The following CYP2C19 variants were observed in gnomAD, a reference collection of about 807,000 sequenced individuals.
CYP2C19 encodes cytochrome P450 family 2 subfamily C member 19, also known as cytochrome P450 2C19.
CYP2C19 carries 59 observed loss-of-function variants against 40.9 expected under a neutral mutation model. That is an observed-to-expected ratio of 1.44 (90% CI 1.17 to 1.79). The LOEUF is 1.79. Ranked by LOEUF, CYP2C19 falls within the 40% of genes most tolerant of loss-of-function variation. The pLI is 0.00. For missense variants in CYP2C19, 754 were observed against 596.9 expected (o/e 1.26, Z -2.74); for synonymous variants, 253 against 208.7 (o/e 1.21, Z -1.83).
intron 7 of CYP2C19, among the ~76,000 whole-genome samples, chr10:94,845,015 C>T (rs187137103): frequency 6.6e-5 from 10 of 152,258 alleles, no homozygotes; most frequent in African/African-American, 1.7e-4. Flanking sequence ...GAACCCAGAG[C>T]GCAAGGAAAT....
intron 5 of CYP2C19, among the ~76,000 whole-genome samples, chr10:94,796,994 A>G (rs1459639623): frequency 2.0e-5 from 3 of 151,984 alleles, no homozygotes; most frequent in Non-Finnish European, 4.4e-5. Context: ...TCTTTCTCCT[A>G]CCTGATTGCC....
intron 3 of CYP2C19, chr10:94,776,476 C>T (rs1366844249): frequency 6.6e-6 from 1 of 152,060 alleles, no homozygotes; most frequent in Non-Finnish European, 1.5e-5. Context: ...ATTCTGTTTT[C>T]CAAATGAAGT....
chr10:94,790,603 C>T (rs185732956), intron 5 of CYP2C19, among the ~76,000 whole-genome samples: 86 of 152,184 alleles, frequency 5.7e-4, no homozygotes, highest in Non-Finnish European at 1.1e-3. Flanking sequence ...TTGAGATAAT[C>T]ATGTGGTTTT....
intron 6 of CYP2C19, among the ~76,000 whole-genome samples, chr10:94,824,694 T>G (rs1849185561): frequency 6.6e-6 from 1 of 152,136 alleles, no homozygotes; most frequent in African/African-American, 2.4e-5. Flanking sequence ...TTAGGGTACA[T>G]GTGCACATTG....
At chr10:94,777,134 G>C (rs1848418617) in intron 3 of CYP2C19, among the ~76,000 whole-genome samples, 1 of 152,110 alleles carries the variant, frequency 6.6e-6, no homozygotes, top group Non-Finnish European at 1.5e-5. Flanking sequence ...ACAAACCACT[G>C]CTCAGGGAAT....
intron 8 of CYP2C19, among the ~76,000 whole-genome samples, chr10:94,851,108 T>G (rs567827425): frequency 4.6e-5 from 7 of 152,202 alleles, no homozygotes; most frequent in African/African-American, 1.7e-4. Flanking sequence ...GACTGGGTAA[T>G]TTATGAAGAA....
rs1849686173 is a variant in CYP2C19, at chr10:94,853,499, G to A, written c.*585G>A. ...CCAACCTCTAGGGAAATATTCAGAG[G>A]ATCAGGTATTGGGAGGAATGGATAT... On this transcript the variant is annotated 3_prime_UTR_variant, in exon 9 of 9. Transcript: ENST00000371321. Among the ~76,000 whole-genome samples the A allele has an allele frequency of 6.6e-6, 1 of 151,384 alleles. No individual in the cohort carries two copies. The highest frequency in any genetic ancestry group is 2.1e-4 in the South Asian group (1 of 4,798).
rs1408135953 is a variant in CYP2C19, at chr10:94,854,872, C to T, written c.*1958C>T. ...GAAGAGAAAGTGGAAATGGGTATTA[C>T]ATTAATGGAAAGATACAGATGGAAA... On this transcript the variant is annotated 3_prime_UTR_variant, in exon 9 of 9. Coordinates refer to ENST00000371321, the MANE Select transcript of CYP2C19 (RefSeq NM_000769.4). Among the ~76,000 whole-genome samples the T allele has an allele frequency of 1.3e-5, 2 of 152,132 alleles. No individual in the cohort carries two copies. The highest frequency in any genetic ancestry group is 2.1e-4 in the South Asian group (1 of 4,816).
chr10:94,798,170 C>A (rs938978168), intron 5 of CYP2C19, among the ~76,000 whole-genome samples: 1 of 152,096 alleles, frequency 6.6e-6, no homozygotes, highest in Non-Finnish European at 1.5e-5. Context: ...AAATGTGTCC[C>A]AGAGATTCTA....
chr10:94,791,906 A>G (rs1370422078), intron 5 of CYP2C19, among the ~76,000 whole-genome samples: 1 of 152,086 alleles, frequency 6.6e-6, no homozygotes, highest in Non-Finnish European at 1.5e-5. Flanking sequence ...GCTGAGTTCA[A>G]TTCCTGGATA....
At position 94,853,007 on chromosome 10, in the gene CYP2C19, C is replaced by G; in HGVS notation, c.*93C>G. The stretch of plus-strand genomic sequence containing the variant: ...ACTATCTGTGATGCTTCTTCTGACC[C>G]GTCATCTCACATTTTCCCTTCCCCC... On this transcript the variant is annotated 3_prime_UTR_variant, in exon 9 of 9. Transcript: ENST00000371321. 1 of 1,344,192 alleles carries G rather than the reference C, an allele frequency of 7.4e-7. No homozygotes were observed. Among genetic ancestry groups the G allele is most frequent in the Non-Finnish European group, 1.0e-6 (1 of 967,854 alleles). 83.3% of individuals were successfully genotyped at this position (1,344,192 alleles called of 1,614,324 possible). A position where few individuals can be genotyped will look rare whatever the true frequency, so the allele number is the denominator to read the frequency against.
chr10:94,778,471 CA>C (rs1351562726), intron 3 of CYP2C19, among the ~76,000 whole-genome samples: 1 of 152,174 alleles, frequency 6.6e-6, no homozygotes, highest in Non-Finnish European at 1.5e-5. Flanking sequence ...TATCAACAGA[CA>C]CTTCTCAAAA....
At chr10:94,790,036 G>GTTCTC (rs914957897) in intron 5 of CYP2C19, among the ~76,000 whole-genome samples, 9 of 152,094 alleles carry the variant, frequency 5.9e-5, no homozygotes, top group Non-Finnish European at 1.3e-4. Context: ...GTGGTTTGTA[G>GTTCTC]TTCTCCTTGA....
intron 6 of CYP2C19, among the ~76,000 whole-genome samples, chr10:94,835,017 G>A (rs1161411124): frequency 1.3e-5 from 2 of 152,176 alleles, no homozygotes; most frequent in African/African-American, 4.8e-5. Context: ...CGGGAGAGGT[G>A]CCTTCAATGT....
At chr10:94,792,991 C>G (rs1052183150) in intron 5 of CYP2C19, among the ~76,000 whole-genome samples, 11 of 152,104 alleles carry the variant, frequency 7.2e-5, no homozygotes, top group African/African-American at 2.4e-4. Flanking sequence ...TCAGGTACAC[C>G]AATCAGATGT....
intron 5 of CYP2C19, among the ~76,000 whole-genome samples, chr10:94,818,885 C>T (rs1389466041): frequency 1.3e-5 from 2 of 152,100 alleles, no homozygotes; most frequent in African/African-American, 4.8e-5. Flanking sequence ...CCTTTATTTC[C>T]TTCTCCTGCC....
At chr10:94,766,804 T>C (rs961129932) in intron 1 of CYP2C19, among the ~76,000 whole-genome samples, 1 of 152,002 alleles carries the variant, frequency 6.6e-6, no homozygotes, top group African/African-American at 2.4e-5. Flanking sequence ...TGTCCAAAAT[T>C]TAACTCAGGT....
At chr10:94,765,469 A>G (rs932816181) in intron 1 of CYP2C19, among the ~76,000 whole-genome samples, 1 of 151,742 alleles carries the variant, frequency 6.6e-6, no homozygotes, top group Non-Finnish European at 1.5e-5. Context: ...ATTTTCCCAT[A>G]CTCCTAGAGT....
rs200174624 is a variant in CYP2C19 at position 94,852,827 on chromosome 10, T to C, written c.1386T>C (p.Ile462=). Reference sequence around the variant, plus strand: ...AGAACTTTAACCTGAAATCTCTGATTGACCCAAAGGACCTTGACACAACTC... The same window carrying C: ...AGAACTTTAACCTGAAATCTCTGATCGACCCAAAGGACCTTGACACAACTC... ...ILQNFNLKSL[I]DPKDLDTTPV... Residue 462 remains isoleucine (I), a synonymous_variant, in exon 9 of 9, where the codon ATT becomes ATC. Coordinates refer to ENST00000371321, the MANE Select transcript of CYP2C19 (RefSeq NM_000769.4). The C allele has an allele frequency of 6.2e-7, 1 of 1,614,004 alleles. No homozygotes were observed. Among genetic ancestry groups the C allele is most frequent in the Non-Finnish European group, 8.5e-7 (1 of 1,179,998 alleles).
Sources: allele counts gnomAD v4.1 joint callset (sites outside exome capture counted in the v4.1 genomes callset), GRCh38; gene constraint gnomAD v4.1.1; transcripts MANE v1.5; gene names NCBI Gene and HGNC (gene_info 2026-07-23, HGNC 2026-07-21).